The following H3C7 variants were observed in gnomAD, a reference collection of about 807,000 sequenced individuals.
H3C7 encodes the protein H3 clustered histone 7, also known as histone H3.1.
In H3C7, 6 loss-of-function variants were observed where a neutral mutation model predicts 7.6. That is an observed-to-expected ratio of 0.79 (90% CI 0.43 to 1.56). The LOEUF is 1.56. Among genes scored for constraint, H3C7 ranks in the 40% most tolerant of loss-of-function variants. The probability of loss-of-function intolerance (pLI) is 0.01; values close to 1 mark genes in which losing one functional copy is unlikely to be tolerated. For synonymous variants in H3C7, 113 were observed against 77.9 expected, an observed-to-expected ratio of 1.45 and a Z score of -2.38; for missense variants, 163 against 189.8, an observed-to-expected ratio of 0.86 and a Z score of 0.83.
In H3C7 at chr6:26,250,633, A is replaced by C; in HGVS notation, c.-28T>G. On this transcript the variant is annotated 5_prime_UTR_variant, in exon 1 of 1. Coordinates refer to ENST00000618052, the MANE Select transcript of H3C7 (RefSeq NM_021018.3). ...GAATGGGTTTCAAGCAATGGTCACA[A>C]CTGAACAAACAGTTGTTCTTACTCC... The C allele has an allele frequency of 6.3e-7, 1 of 1,594,872 alleles. No homozygotes were observed. The highest frequency in any genetic ancestry group is 8.5e-7 in the Non-Finnish European group (1 of 1,174,608).
At position 26,250,248 on chromosome 6, in the gene H3C7, T is replaced by C. The variant is rs1336450196; in HGVS notation, c.358A>G (p.Ile120Val). 2 of 1,614,132 alleles carry C rather than the reference T, an allele frequency of 1.2e-6. No individual in the cohort carries two copies. The highest frequency in any genetic ancestry group is 1.7e-5 in the Admixed American group (1 of 60,014). Residue 120 changes from isoleucine (I) to valine (V), a missense_variant, in exon 1 of 1, where the codon ATC (isoleucine) becomes GTC (valine). This residue lies in a region of H3C7 where 111 missense variants were observed against 104.1 expected (regional missense o/e 1.07). Transcript: ENST00000618052. Reference protein sequence around the residue: ...LCAIHAKRVTIMPKDIQLARR... With the variant: ...LCAIHAKRVTVMPKDIQLARR... Reference sequence around the variant, plus strand: ...GCGAGCTGGATGTCCTTGGGCATGATAGTCACTCGCTTGGCGTGGATAGCA... The same window carrying C: ...GCGAGCTGGATGTCCTTGGGCATGACAGTCACTCGCTTGGCGTGGATAGCA...
chr6:26,250,151 GA>G lies in H3C7; in HGVS notation c.*43del. 1 of 1,605,530 alleles carries G rather than the reference GA, an allele frequency of 6.2e-7. No homozygotes were observed. On this transcript the variant is annotated 3_prime_UTR_variant, in exon 1 of 1. Coordinates refer to ENST00000618052, the MANE Select transcript of H3C7 (RefSeq NM_021018.3). ...TTCAACTGAAATTGTTGGTGGCTCT[GA>G]AAAGAGCCTTTGGTTTAAGTTGGCG...
In H3C7 at chr6:26,250,194, C is replaced by G. The variant is rs577077658; in HGVS notation, c.*1G>C. 6.2e-7 allele frequency: 1 copy of G among 1,614,240 alleles called. No homozygotes were observed. Among genetic ancestry groups the G allele is most frequent in the Admixed American group, 1.7e-5 (1 of 60,026 alleles). ...AAGTTGGCGCACACCCTCAGTACAA[C>G]TTATGCCCTCTCTCCGCGAATGCGG... On this transcript the variant is annotated 3_prime_UTR_variant, in exon 1 of 1. Coordinates refer to ENST00000618052, the MANE Select transcript of H3C7 (RefSeq NM_021018.3).
chr6:26,250,590 G>C lies in H3C7; in HGVS notation c.16C>G (p.Gln6Glu). The change falls in exon 1 of 1, where the codon CAA becomes GAA. Residue 6 changes from glutamine (Q) to glutamate (E), a missense_variant. Transcript: ENST00000618052. MARTK[Q>E]TARKSTGGKA... is the part of the protein sequence containing the mutation. ...CCGCCAGTGGACTTACGAGCTGTTT[G>C]CTTCGTGCGTGCCATAGGAATGGGT... is the stretch of plus-strand genomic sequence containing the variant. 6.2e-7 allele frequency: 1 copy of C among 1,613,164 alleles called. No individual in the cohort carries two copies. The highest frequency in any genetic ancestry group is 8.5e-7 in the Non-Finnish European group (1 of 1,179,800).
rs1328695326 is a variant in H3C7, at chr6:26,250,372, G to A, written c.234C>T (p.Asp78=). 2.5e-6 allele frequency: 4 copies of A among 1,614,226 alleles called. No individual in the cohort carries two copies. Among genetic ancestry groups the A allele is most frequent in the Non-Finnish European group, 3.4e-6 (4 of 1,180,032 alleles). Residue 78 remains aspartate, a synonymous_variant, in exon 1 of 1, where the codon GAC becomes GAT. Transcript: ENST00000618052. ...TCTGGAAGCGCAGGTCGGTCTTGAAGTCCTGCGCGATCTCACGTACCAGAC... is the reference window on the plus strand; with the variant it reads ...TCTGGAAGCGCAGGTCGGTCTTGAAATCCTGCGCGATCTCACGTACCAGAC... ...FQRLVREIAQ[D]FKTDLRFQSS...
chr6:26,250,261 G>T lies in H3C7; in HGVS notation c.345C>A (p.Ala115=), dbSNP rs753313930. 38 of 1,614,124 alleles carry T rather than the reference G, an allele frequency of 2.4e-5. No individual in the cohort carries two copies. Among genetic ancestry groups the T allele is most frequent in the Non-Finnish European group, 3.2e-5 (38 of 1,180,056 alleles). ...FEDTNLCAIH[A]KRVTIMPKDI... is the part of the protein sequence containing the mutation. ...CCTTGGGCATGATAGTCACTCGCTT[G>T]GCGTGGATAGCACACAGGTTGGTGT... The change falls in exon 1 of 1, where the codon GCC becomes GCA. Residue 115 remains alanine, a synonymous_variant. Coordinates refer to ENST00000618052, the MANE Select transcript of H3C7 (RefSeq NM_021018.3).
rs749003248 is a variant in H3C7, at chr6:26,250,348, C to T, written c.258G>A (p.Gln86=). Reference sequence around the variant, plus strand: ...CCTGCAGCGCCATCACAGCCGAGCTCTGGAAGCGCAGGTCGGTCTTGAAGT... The same window carrying T: ...CCTGCAGCGCCATCACAGCCGAGCTTTGGAAGCGCAGGTCGGTCTTGAAGT... ...AQDFKTDLRF[Q]SSAVMALQEA... Residue 86 remains glutamine, a synonymous_variant, in exon 1 of 1, where the codon CAG becomes CAA. Coordinates refer to ENST00000618052, the MANE Select transcript of H3C7 (RefSeq NM_021018.3). 6.2e-7 allele frequency: 1 copy of T among 1,614,080 alleles called. No homozygotes were observed. The highest frequency in any genetic ancestry group is 8.5e-7 in the Non-Finnish European group (1 of 1,180,044).
At position 26,250,607 on chromosome 6, in the gene H3C7, G is replaced by A. The variant is rs768155711; in HGVS notation, c.-2C>T. ...AGCTGTTTGCTTCGTGCGTGCCATAGGAATGGGTTTCAAGCAATGGTCACA... is the reference window on the plus strand; with the variant it reads ...AGCTGTTTGCTTCGTGCGTGCCATAAGAATGGGTTTCAAGCAATGGTCACA... On this transcript the variant is annotated 5_prime_UTR_variant, in exon 1 of 1. Transcript: ENST00000618052. 1.9e-6 allele frequency: 3 copies of A among 1,610,924 alleles called. No homozygotes were observed. The highest frequency in any genetic ancestry group is 2.7e-5 in the African/African-American group (2 of 74,534).
rs773077919 is a variant in H3C7 at position 26,250,362 on chromosome 6, C to T, written c.244G>A (p.Asp82Asn). Reference protein sequence around the residue: ...VREIAQDFKTDLRFQSSAVMA... With the variant: ...VREIAQDFKTNLRFQSSAVMA... ...ACAGCCGAGCTCTGGAAGCGCAGGT[C>T]GGTCTTGAAGTCCTGCGCGATCTCA... The change falls in exon 1 of 1, where the codon GAC becomes AAC. Residue 82 changes from aspartate (D) to asparagine (N), a missense_variant. Around this residue, in one of 2 missense-constraint regions of H3C7, gnomAD observed 111 missense variants for 104.1 expected, o/e 1.07. Coordinates refer to ENST00000618052, the MANE Select transcript of H3C7 (RefSeq NM_021018.3). 6.2e-7 allele frequency: 1 copy of T among 1,614,170 alleles called. No homozygotes were observed.
Position 26,250,559 on chromosome 6 carries a change from G to C in H3C7, c.47C>G (p.Ala16Gly). Residue 16 changes from alanine to glycine, a missense_variant, in exon 1 of 1, where the codon GCC becomes GGC. By Grantham distance (60) the Ala-to-Gly change is moderately conservative. Around this residue, in one of 2 missense-constraint regions of H3C7, gnomAD observed 52 missense variants for 85.7 expected, o/e 0.61. Coordinates refer to ENST00000618052, the MANE Select transcript of H3C7 (RefSeq NM_021018.3). ...QTARKSTGGK[A>G]PRKQLATKAA... Reference sequence around the variant, plus strand: ...CTTAGTGGCCAGCTGCTTGCGCGGGGCTTTGCCGCCAGTGGACTTACGAGC... The same window carrying C: ...CTTAGTGGCCAGCTGCTTGCGCGGGCCTTTGCCGCCAGTGGACTTACGAGC... 6.2e-7 allele frequency: 1 copy of C among 1,613,868 alleles called. No individual in the cohort carries two copies. Among genetic ancestry groups the C allele is most frequent in the East Asian group, 2.2e-5 (1 of 44,876 alleles).
rs1760042541 is a variant in H3C7 at position 26,250,440 on chromosome 6, G to A, written c.166C>T (p.Gln56Ter). Reference protein sequence around the residue: ...TVALREIRRYQKSTELLIRKL... With the variant: ...TVALREIRRY ...CGAATCAGTAGCTCAGTCGATTTCT[G>A]ATAGCGGCGGATTTCACGGAGGGCG... is the stretch of plus-strand genomic sequence containing the variant. The change falls in exon 1 of 1, where the codon CAG becomes TAG. Residue 56 changes from glutamine (Q) to a stop codon, truncating the protein, a stop_gained. Coordinates refer to ENST00000618052, the MANE Select transcript of H3C7 (RefSeq NM_021018.3). LOFTEE classifies it high-confidence loss of function. 6.2e-7 allele frequency: 1 copy of A among 1,614,244 alleles called. No individual in the cohort carries two copies. The highest frequency in any genetic ancestry group is 1.6e-4 in the Middle Eastern group (1 of 6,062).
chr6:26,250,290 CAA>C lies in H3C7; in HGVS notation c.314_315del (p.Phe105Ter). 1 of 1,614,234 alleles carries C rather than the reference CAA, an allele frequency of 6.2e-7. No homozygotes were observed. The highest frequency in any genetic ancestry group is 8.5e-7 in the Non-Finnish European group (1 of 1,180,036). Reference sequence around the variant, plus strand: ...TGGATAGCACACAGGTTGGTGTCCTCAAAGAGCCCCACCAGGTAAGCCTCGCA... The same window carrying C: ...TGGATAGCACACAGGTTGGTGTCCTCAGAGCCCCACCAGGTAAGCCTCGCA... ...EACEAYLVGL[F>X]EDTNLCAIHA... On this transcript the variant is annotated frameshift_variant, in exon 1 of 1. Coordinates refer to ENST00000618052, the MANE Select transcript of H3C7 (RefSeq NM_021018.3). LOFTEE classifies it high-confidence loss of function.
Position 26,250,405 on chromosome 6 carries a change from T to C in H3C7, c.201A>G (p.Pro67=). Reference sequence around the variant, plus strand: ...CGATCTCACGTACCAGACGCTGGAATGGTAGCTTGCGAATCAGTAGCTCAG... The same window carrying C: ...CGATCTCACGTACCAGACGCTGGAACGGTAGCTTGCGAATCAGTAGCTCAG... ...KSTELLIRKL[P]FQRLVREIAQ... The change falls in exon 1 of 1, where the codon CCA becomes CCG. Residue 67 remains proline (P), a synonymous_variant. Coordinates refer to ENST00000618052, the MANE Select transcript of H3C7 (RefSeq NM_021018.3). 3 of 1,614,192 alleles carry C rather than the reference T, an allele frequency of 1.9e-6. No homozygotes were observed. The highest frequency in any genetic ancestry group is 2.5e-6 in the Non-Finnish European group (3 of 1,180,028).
At position 26,250,612 on chromosome 6, in the gene H3C7, G is replaced by C. The variant is rs1365544412; in HGVS notation, c.-7C>G. ...TTTGCTTCGTGCGTGCCATAGGAATGGGTTTCAAGCAATGGTCACAACTGA... is the reference window on the plus strand; with the variant it reads ...TTTGCTTCGTGCGTGCCATAGGAATCGGTTTCAAGCAATGGTCACAACTGA... On this transcript the variant is annotated 5_prime_UTR_variant, in exon 1 of 1. Coordinates refer to ENST00000618052, the MANE Select transcript of H3C7 (RefSeq NM_021018.3). 6.2e-7 allele frequency: 1 copy of C among 1,610,568 alleles called. No individual in the cohort carries two copies. The highest frequency in any genetic ancestry group is 8.5e-7 in the Non-Finnish European group (1 of 1,179,104).
At position 26,250,300 on chromosome 6, in the gene H3C7, C is replaced by T. The variant is rs1331150357; in HGVS notation, c.306G>A (p.Val102=). 6.2e-7 allele frequency: 1 copy of T among 1,614,250 alleles called. No individual in the cohort carries two copies. The highest frequency in any genetic ancestry group is 8.5e-7 in the Non-Finnish European group (1 of 1,180,048). The change falls in exon 1 of 1, where the codon GTG becomes GTA. Residue 102 remains valine (V), a synonymous_variant. Coordinates refer to ENST00000618052, the MANE Select transcript of H3C7 (RefSeq NM_021018.3). ...ALQEACEAYL[V]GLFEDTNLCA... Reference sequence around the variant, plus strand: ...ACAGGTTGGTGTCCTCAAAGAGCCCCACCAGGTAAGCCTCGCAGGCCTCCT... The same window carrying T: ...ACAGGTTGGTGTCCTCAAAGAGCCCTACCAGGTAAGCCTCGCAGGCCTCCT...
rs1174747724 is a variant in H3C7 at position 26,250,533 on chromosome 6, C to T, written c.73G>A (p.Ala25Thr). 1 of 1,614,042 alleles carries T rather than the reference C, an allele frequency of 6.2e-7. No homozygotes were observed. Among genetic ancestry groups the T allele is most frequent in the Non-Finnish European group, 8.5e-7 (1 of 1,180,018 alleles). Residue 25 changes from alanine (A) to threonine (T), a missense_variant, in exon 1 of 1, where the codon GCG (alanine) becomes ACG (threonine). By Grantham distance (58) the Ala-to-Thr change is moderately conservative. Transcript: ENST00000618052. ...GTGGCTGGCGCGCTTTTGCGAGCCGCCTTAGTGGCCAGCTGCTTGCGCGGG... is the reference window on the plus strand; with the variant it reads ...GTGGCTGGCGCGCTTTTGCGAGCCGTCTTAGTGGCCAGCTGCTTGCGCGGG... ...KAPRKQLATKAARKSAPATGG... is the reference protein window; with the variant it reads ...KAPRKQLATKTARKSAPATGG...
Position 26,250,518 on chromosome 6 carries a change from C to T in H3C7, c.88G>A (p.Ala30Thr), listed in dbSNP as rs1236227432. The T allele has an allele frequency of 3.1e-6, 5 of 1,614,016 alleles. No homozygotes were observed. Among genetic ancestry groups the T allele is most frequent in the Non-Finnish European group, 4.2e-6 (5 of 1,179,988 alleles). ...TTCTTCACGCCACCGGTGGCTGGCGCGCTTTTGCGAGCCGCCTTAGTGGCC... is the reference window on the plus strand; with the variant it reads ...TTCTTCACGCCACCGGTGGCTGGCGTGCTTTTGCGAGCCGCCTTAGTGGCC... ...QLATKAARKS[A>T]PATGGVKKPH... Residue 30 changes from alanine (A) to threonine (T), a missense_variant, in exon 1 of 1, where the codon GCG becomes ACG. Ala to Thr is a moderately conservative substitution (Grantham distance 58). Transcript: ENST00000618052.
chr6:26,250,486 G>A lies in H3C7; in HGVS notation c.120C>T (p.His40=), dbSNP rs139968306. 27 of 1,614,182 alleles carry A rather than the reference G, an allele frequency of 1.7e-5. No homozygotes were observed. The African/African-American group carries it at 2.8e-4, about 17-fold the overall frequency. Residue 40 remains histidine, a synonymous_variant, in exon 1 of 1, where the codon CAC becomes CAT. Coordinates refer to ENST00000618052, the MANE Select transcript of H3C7 (RefSeq NM_021018.3). The stretch of plus-strand genomic sequence containing the variant: ...GGGCGACAGTACCAGGCCTGTAGCG[G>A]TGGGGCTTCTTCACGCCACCGGTGG... ...APATGGVKKP[H]RYRPGTVALR...
In H3C7 at chr6:26,250,480, G is replaced by T; in HGVS notation, c.126C>A (p.Tyr42Ter). ...CACGGAGGGCGACAGTACCAGGCCT[G>T]TAGCGGTGGGGCTTCTTCACGCCAC... ...ATGGVKKPHR[Y>*]RPGTVALREI... Residue 42 changes from tyrosine (Y) to a stop codon, truncating the protein, a stop_gained, in exon 1 of 1, where the codon TAC becomes TAA. Coordinates refer to ENST00000618052, the MANE Select transcript of H3C7 (RefSeq NM_021018.3). LOFTEE classifies it high-confidence loss of function. 2 of 1,614,208 alleles carry T rather than the reference G, an allele frequency of 1.2e-6. No individual in the cohort carries two copies.
Sources: gnomAD v4.1 joint callset for allele counts on GRCh38, gnomAD v4.1.1 for gene constraint, gnomAD v4.1.1 regional missense constraint, MANE v1.5 for transcripts, NCBI Gene and HGNC (gene_info 2026-07-23, HGNC 2026-07-21) for gene names.